RAPGEF5: variants seen among roughly 807,000 people sequenced by gnomAD.
RAPGEF5 encodes the protein M-Ras-regulated GEF.
RAPGEF5 carries 65 observed loss-of-function variants against 125.2 expected under a neutral mutation model. The observed-to-expected ratio is 0.52, with a 90% CI of 0.43 to 0.64. The LOEUF is 0.64. RAPGEF5 is among the 30% of genes least tolerant of loss of function. RAPGEF5 has a pLI of 0.00. For missense variants in RAPGEF5, 958 were observed against 1,048.1 expected (o/e 0.91, Z 1.19); for synonymous variants, 391 against 385.9 (o/e 1.01, Z -0.16).
intron 6 of RAPGEF5, among the ~76,000 whole-genome samples, chr7:22,281,074 T>A (rs1463768526): frequency 6.6e-6 from 1 of 152,230 alleles, no homozygotes; most frequent in East Asian, 1.9e-4. Context: ...AATGATAGTC[T>A]ACATTTTTAC....
intron 1 of RAPGEF5, among the ~76,000 whole-genome samples, chr7:22,329,739 G>C (rs1312257893): frequency 1.3e-5 from 2 of 152,116 alleles, no homozygotes; most frequent in Non-Finnish European, 1.5e-5. Flanking sequence ...ATATTGTCAG[G>C]TCCAGGGTCA....
At chr7:22,147,808 GAAT>G (rs1390879804) in intron 18 of RAPGEF5, among the ~76,000 whole-genome samples, 3 of 152,222 alleles carry the variant, frequency 2.0e-5, no homozygotes, top group East Asian at 3.9e-4. Flanking sequence ...CGTTAGATTT[GAAT>G]AATAACTTTA....
chr7:22,285,916 A>G (rs4722123), intron 6 of RAPGEF5, among the ~76,000 whole-genome samples: 1 of 152,218 alleles, frequency 6.6e-6, no homozygotes, highest in Non-Finnish European at 1.5e-5. Flanking sequence ...ACAGAGAAGA[A>G]CCATACAAAT....
intron 1 of RAPGEF5, among the ~76,000 whole-genome samples, chr7:22,344,733 C>T (rs140869611): frequency 1.1e-3 from 175 of 152,336 alleles, no homozygotes; most frequent in African/African-American, 4.0e-3. Context: ...CTGCCATGGG[C>T]GATGATGCTC....
At chr7:22,248,604 T>A (rs1016581680) in intron 7 of RAPGEF5, among the ~76,000 whole-genome samples, 1 of 152,108 alleles carries the variant, frequency 6.6e-6, no homozygotes, top group Non-Finnish European at 1.5e-5. Flanking sequence ...TAGCCAGAGA[T>A]TATTGATAAT....
intron 11 of RAPGEF5, among the ~76,000 whole-genome samples, chr7:22,183,527 G>GT (rs1583458229): frequency 6.6e-6 from 1 of 152,014 alleles, no homozygotes; most frequent in African/African-American, 2.4e-5. Flanking sequence ...GGCATTTGAG[G>GT]TAAAGTATTT....
chr7:22,126,991 A>C (rs896779325), intron 24 of RAPGEF5, among the ~76,000 whole-genome samples: 2 of 149,370 alleles, frequency 1.3e-5, no homozygotes, highest in African/African-American at 4.9e-5. Flanking sequence ...CAATATTCTA[A>C]TTTAATTTCT....
intron 12 of RAPGEF5, among the ~76,000 whole-genome samples, chr7:22,166,088 T>C (rs1474176209): frequency 6.8e-6 from 1 of 147,220 alleles, no homozygotes; most frequent in Non-Finnish European, 1.5e-5. Flanking sequence ...GTATCATATA[T>C]ATATATATCA....
chr7:22,143,444 C>T (rs956426176), intron 20 of RAPGEF5, among the ~76,000 whole-genome samples: 3 of 152,128 alleles, frequency 2.0e-5, no homozygotes, highest in African/African-American at 7.2e-5. Context: ...ATCCCTTCTC[C>T]CTTCTCAATT....
intron 7 of RAPGEF5, among the ~76,000 whole-genome samples, chr7:22,238,855 A>T (rs895554760): frequency 1.3e-5 from 2 of 152,218 alleles, no homozygotes; most frequent in Non-Finnish European, 2.9e-5. Flanking sequence ...GTTTGCACAG[A>T]ATTATACAGG....
At chr7:22,286,787 T>A (rs763666330) in intron 6 of RAPGEF5, among the ~76,000 whole-genome samples, 1 of 152,222 alleles carries the variant, frequency 6.6e-6, no homozygotes, top group Non-Finnish European at 1.5e-5. Flanking sequence ...ATGAATATTT[T>A]AAATTTGTCT....
intron 7 of RAPGEF5, among the ~76,000 whole-genome samples, chr7:22,263,410 AATATATC>A (rs1481472648): frequency 1.3e-5 from 2 of 152,188 alleles, no homozygotes; most frequent in Admixed American, 1.3e-4. Context: ...ATTAATATAT[AATATATC>A]ATATCTGCAT....
At chr7:22,140,677 C>T (rs940661505) in intron 20 of RAPGEF5, among the ~76,000 whole-genome samples, 1 of 152,114 alleles carries the variant, frequency 6.6e-6, no homozygotes, top group African/African-American at 2.4e-5. Context: ...AAATGAAATG[C>T]AAAATAAGAT....
chr7:22,166,730 A>T (rs1396100656), intron 12 of RAPGEF5, among the ~76,000 whole-genome samples: 1 of 152,228 alleles, frequency 6.6e-6, no homozygotes, highest in African/African-American at 2.4e-5. Context: ...CATTTATTCC[A>T]TGATCTTCCC....
intron 5 of RAPGEF5, among the ~76,000 whole-genome samples, chr7:22,302,073 G>A (rs547277684): frequency 4.6e-5 from 7 of 152,306 alleles, no homozygotes; most frequent in Non-Finnish European, 8.8e-5. Flanking sequence ...CAGAGTGCTG[G>A]TGACAAGTGG....
chr7:22,264,393 T>A (rs528869394), intron 7 of RAPGEF5, among the ~76,000 whole-genome samples: 156 of 152,302 alleles, frequency 1.0e-3, no homozygotes, highest in Middle Eastern at 3.4e-3. Context: ...ATTGATCAAA[T>A]AAGTAAGGAA....
At chr7:22,301,975 C>T (rs1283063826) in intron 5 of RAPGEF5, among the ~76,000 whole-genome samples, 1 of 152,138 alleles carries the variant, frequency 6.6e-6, no homozygotes, top group African/African-American at 2.4e-5. Context: ...CGCTGAAGGC[C>T]TTACATTATT....
chr7:22,324,838 T>A (rs1247669627), intron 1 of RAPGEF5, among the ~76,000 whole-genome samples: 1 of 152,200 alleles, frequency 6.6e-6, no homozygotes, highest in Non-Finnish European at 1.5e-5. Flanking sequence ...CACCTTATTT[T>A]TAACACAACA....
At chr7:22,240,957 C>A (rs1413770119) in intron 7 of RAPGEF5, among the ~76,000 whole-genome samples, 1 of 152,096 alleles carries the variant, frequency 6.6e-6, no homozygotes, top group Non-Finnish European at 1.5e-5. Context: ...CTCATTTAGC[C>A]CCTCCAACAA....
Sources: allele counts gnomAD v4.1 joint callset (sites outside exome capture counted in the v4.1 genomes callset), GRCh38; gene constraint gnomAD v4.1.1; transcripts MANE v1.5; gene names NCBI Gene and HGNC (gene_info 2026-07-23, HGNC 2026-07-21).